Variants in FANCA observed in about 807,000 individuals in gnomAD.
FANCA encodes the protein FA complementation group A.
A neutral mutation model predicts 194.3 loss-of-function variants in FANCA; 236 were observed. That is an observed-to-expected ratio of 1.21 (90% CI 1.09 to 1.35). The LOEUF is 1.35. Ranked by LOEUF, FANCA falls within the 40% of genes most tolerant of loss-of-function variation. FANCA has a pLI of 0.00. For synonymous variants in FANCA, 1,014 were observed against 715.8 expected (o/e 1.42, Z -6.65); for missense variants, 2,628 against 1,813.9 (o/e 1.45, Z -8.15).
At chr16:89,780,732 C>A (rs928684327) in intron 17 of FANCA, among the ~76,000 whole-genome samples, 1 of 151,630 alleles carries the variant, frequency 6.6e-6, no homozygotes, top group African/African-American at 2.4e-5. Flanking sequence ...AGTTTAAGAC[C>A]AGTCTCGGCC....
chr16:89,788,700 G>A (rs562848765), intron 14 of FANCA, among the ~76,000 whole-genome samples: 4 of 151,896 alleles, frequency 2.6e-5, no homozygotes, highest in South Asian at 4.2e-4. Context: ...CTCTGGAAGC[G>A]GAGGCAGGAG....
Position 89,775,966 on chromosome 16 carries a change from T to G in FANCA, c.1827-151A>C, listed in dbSNP as rs1558184. The G allele has an allele frequency of 0.5, 184,335 of 369,820 alleles. 52,210 individuals carry two copies. Among genetic ancestry groups the G allele is most frequent in the East Asian group, 0.98 (19,922 of 20,288 alleles). 22.9% of individuals were successfully genotyped at this position (369,820 alleles called of 1,614,324 possible). A position where few individuals can be genotyped will look rare whatever the true frequency, so the allele number is the denominator to read the frequency against. The stretch of plus-strand genomic sequence containing the variant: ...GTATGAGCCTGTTTTTACAAAAAAA[T>G]ATTAAAAAATATATATAGATTTAAA... On this transcript the variant is annotated intron_variant, in intron 20 of 42. Coordinates refer to ENST00000389301, the MANE Select transcript of FANCA (RefSeq NM_000135.4).
intron 22 of FANCA, among the ~76,000 whole-genome samples, chr16:89,772,061 G>A (rs2143354157): frequency 6.6e-6 from 1 of 152,130 alleles, no homozygotes; most frequent in East Asian, 1.9e-4. Context: ...GGCTGAGAGG[G>A]GGACATGTTC....
At chr16:89,746,919 A>G in intron 33 of FANCA, 29 bp from the exon 34 acceptor site, 1 of 1,549,180 alleles carries the variant, frequency 6.5e-7, no homozygotes, top group Non-Finnish European at 8.7e-7. Context: ...CAGGTAAGAA[A>G]AGCCCACAGG....
chr16:89,758,747 G>A (rs750764606), intron 29 of FANCA, 42 bp from the exon 30 acceptor site: 11 of 1,608,616 alleles, frequency 6.8e-6, no homozygotes, highest in African/African-American at 1.3e-5. Context: ...GAAATGCTTC[G>A]TGGCCAGCGG....
chr16:89,760,499 C>T (rs1414913572), intron 29 of FANCA, among the ~76,000 whole-genome samples: 1 of 152,148 alleles, frequency 6.6e-6, no homozygotes, highest in Non-Finnish European at 1.5e-5. Context: ...CTAGGTGTGG[C>T]AGGCACCCTG....
At chr16:89,798,415 A>G in intron 10 of FANCA, 1 of 1,079,242 alleles carries the variant, frequency 9.3e-7, no homozygotes, top group African/African-American at 1.6e-5. Context: ...GGTACAACAC[A>G]TTTAATTGAG....
intron 31 of FANCA, 25 bp from the exon 32 acceptor site, chr16:89,749,927 C>A (rs774603980): frequency 1.2e-6 from 2 of 1,613,306 alleles, no homozygotes; most frequent in Non-Finnish European, 1.7e-6. Flanking sequence ...TATGCTGGCA[C>A]AGGAAGGCCT....
At chr16:89,789,613 C>T (rs1312010490) in intron 14 of FANCA, among the ~76,000 whole-genome samples, 2 of 151,794 alleles carry the variant, frequency 1.3e-5, no homozygotes, top group Non-Finnish European at 2.9e-5. Context: ...CTAATTGTTA[C>T]ATTCTGTAGA....
At chr16:89,813,582 A>G (rs2143704038) in intron 3 of FANCA, among the ~76,000 whole-genome samples, 1 of 151,998 alleles carries the variant, frequency 6.6e-6, no homozygotes, top group South Asian at 2.1e-4. Flanking sequence ...ACAGGCACCC[A>G]CCACCACACC....
At chr16:89,766,183 GAC>G (rs17226764) in intron 27 of FANCA, among the ~76,000 whole-genome samples, 2,801 of 151,570 alleles carry the variant, frequency 0.018, 67 homozygotes, top group East Asian at 0.064. Flanking sequence ...TTTTAGTAGA[GAC>G]CAGGTTTCAC....
In FANCA at chr16:89,808,371, AAAAAC is replaced by A. The variant is rs755643283; in HGVS notation, c.523-9_523-5del. On this transcript the variant is annotated splice_polypyrimidine_tract_variant and splice_region_variant and intron_variant, in intron 5 of 42. Transcript: ENST00000389301. ...CCGCTTCAAGCAACAAAGAACTCTG[AAAAAC>A]AAAACAAAACAAACAAAAACAAAAA... 3.0e-5 allele frequency: 48 copies of A among 1,614,136 alleles called. No individual in the cohort carries two copies. The highest frequency in any genetic ancestry group is 1.8e-4 in the Admixed American group (11 of 60,022).
intron 30 of FANCA, among the ~76,000 whole-genome samples, chr16:89,754,420 G>A (rs1028763409): frequency 6.6e-6 from 1 of 152,086 alleles, no homozygotes; most frequent in South Asian, 2.1e-4. Flanking sequence ...CGCCCAGGCT[G>A]GAGTTGCAGT....
chr16:89,742,249 TTACAGGCATGAGCCACCATGC>T (rs1256141626), intron 37 of FANCA, among the ~76,000 whole-genome samples: 4 of 151,804 alleles, frequency 2.6e-5, no homozygotes. Context: ...AGTGTTGGGA[TTACAGGCATGAGCCACCATGC>T]CTGGACTACA....
intron 14 of FANCA, among the ~76,000 whole-genome samples, chr16:89,789,297 CAGA>C (rs2039992170): frequency 9.6e-6 from 1 of 104,368 alleles, no homozygotes; most frequent in Non-Finnish European, 1.7e-5. Flanking sequence ...CTCAGCTCCT[CAGA>C]AGGCCTGGGG....
At chr16:89,806,313 C>G (rs1272796783) in intron 6 of FANCA, among the ~76,000 whole-genome samples, 4 of 148,004 alleles carry the variant, frequency 2.7e-5, no homozygotes, top group Non-Finnish European at 1.5e-5. Context: ...TCAGTCAGGT[C>G]AGCTGGTTTG....
In FANCA at chr16:89,765,669, C is replaced by T. The variant is rs189833602; in HGVS notation, c.2602-603G>A. Among the ~76,000 whole-genome samples, 5 of 152,372 alleles carry T rather than the reference C, an allele frequency of 3.3e-5. No homozygotes were observed. In the East Asian group the frequency reaches 7.7e-4, roughly 24 times the overall value. Reference sequence around the variant, plus strand: ...CAAGCCAGACACACTATTGGTGCTGCGTGACCGTGTCCATCTCTGCCCCCG... The same window carrying T: ...CAAGCCAGACACACTATTGGTGCTGTGTGACCGTGTCCATCTCTGCCCCCG... On this transcript the variant is annotated intron_variant, in intron 27 of 42. Transcript: ENST00000389301.
At chr16:89,740,648 A>C (rs1192846072) in intron 38 of FANCA, 156 bp downstream of exon 38, 4 of 647,322 alleles carry the variant, frequency 6.2e-6, no homozygotes, top group East Asian at 2.8e-5. Flanking sequence ...AAAAAAAAAA[A>C]AAAAAACCCA....
chr16:89,814,590 T>G lies in FANCA; in HGVS notation c.213A>C (p.Lys71Asn). 1.9e-6 allele frequency: 3 copies of G among 1,613,512 alleles called. No homozygotes were observed. The highest frequency in any genetic ancestry group is 2.5e-6 in the Non-Finnish European group (3 of 1,179,486). ...LLEVEGPLCK[K>N]LSLSKVIDCD... ...AGTCAATCACTTTGCTGAGAGACAA[T>G]TTTTTACACAGTGGACCTTCTACCT... Residue 71 changes from lysine to asparagine, a missense_variant, in exon 3 of 43, where the codon AAA becomes AAC. Transcript: ENST00000389301.
Sources: gnomAD v4.1 joint callset for allele counts (sites outside exome capture counted in the v4.1 genomes callset) on GRCh38, gnomAD v4.1.1 for gene constraint, MANE v1.5 for transcripts, NCBI Gene and HGNC (gene_info 2026-07-23, HGNC 2026-07-21) for gene names.